RIMS2: variants seen among roughly 807,000 people sequenced by gnomAD.
RIMS2 encodes regulating synaptic membrane exocytosis 2.
In RIMS2, 59 loss-of-function variants were observed where a neutral mutation model predicts 174.4. The ratio of observed to expected loss-of-function variants is 0.34; its 90% CI spans 0.27 to 0.42. The LOEUF (loss-of-function observed/expected upper bound fraction) is 0.42, where lower values mean the gene tolerates loss of function less well. Among genes scored for constraint, RIMS2 ranks in the 10% least tolerant of loss-of-function variants. RIMS2 has a pLI of 1.00. For missense variants in RIMS2, 1,620 were observed against 1,666.3 expected (o/e 0.97, Z 0.48); for synonymous variants, 606 against 572.5 (o/e 1.06, Z -0.84).
At chr8:103,563,129 A>G (rs866227524) in intron 1 of RIMS2, among the ~76,000 whole-genome samples, 1 of 152,132 alleles carries the variant, frequency 6.6e-6, no homozygotes, top group Middle Eastern at 3.2e-3. Context: ...CATTTTCTCC[A>G]TTGTCTTGGT....
intron 16 of RIMS2, among the ~76,000 whole-genome samples, chr8:103,980,925 G>A (rs200621639): frequency 6.6e-6 from 1 of 152,114 alleles, no homozygotes; most frequent in Admixed American, 6.5e-5. Flanking sequence ...AGAACATCAG[G>A]CAAATTTCTA....
chr8:104,108,959 A>C (rs964917960), intron 19 of RIMS2, among the ~76,000 whole-genome samples: 1 of 152,156 alleles, frequency 6.6e-6, no homozygotes, highest in African/African-American at 2.4e-5. Flanking sequence ...GATGCCATGA[A>C]CACTGACTCA....
intron 11 of RIMS2, among the ~76,000 whole-genome samples, chr8:103,929,771 T>C (rs1473195168): frequency 6.6e-6 from 1 of 151,990 alleles, no homozygotes; most frequent in East Asian, 1.9e-4. Flanking sequence ...TAGTCTCTTT[T>C]TTGCCCGTTT....
intron 2 of RIMS2, among the ~76,000 whole-genome samples, chr8:103,701,642 T>C (rs2097169051): frequency 1.3e-5 from 2 of 150,436 alleles, no homozygotes; most frequent in African/African-American, 2.4e-5. Flanking sequence ...TGAGATCAAA[T>C]TTTTTTTTTA....
chr8:103,998,159 T>A (rs370183876), intron 17 of RIMS2: 4 of 1,542,616 alleles, frequency 2.6e-6, no homozygotes, highest in Non-Finnish European at 3.6e-6. Flanking sequence ...GTCTTATTTA[T>A]ATTCTTGTTT....
chr8:104,125,558 T>C (rs1256267635), intron 19 of RIMS2, among the ~76,000 whole-genome samples: 1 of 152,164 alleles, frequency 6.6e-6, no homozygotes, highest in Non-Finnish European at 1.5e-5. Flanking sequence ...TAGTAAATCA[T>C]AAAGCTTTAA....
At chr8:103,949,917 A>G (rs2084910198) in intron 14 of RIMS2, among the ~76,000 whole-genome samples, 2 of 152,284 alleles carry the variant, frequency 1.3e-5, no homozygotes, top group Admixed American at 1.3e-4. Context: ...AAGAAGACAA[A>G]TTATCAATAT....
intron 19 of RIMS2, among the ~76,000 whole-genome samples, chr8:104,137,077 G>T (rs2098526968): frequency 1.3e-5 from 2 of 152,116 alleles, no homozygotes; most frequent in Admixed American, 6.6e-5. Context: ...ATTATTTTAT[G>T]AATGGTTTTT....
intron 3 of RIMS2, among the ~76,000 whole-genome samples, chr8:103,781,134 T>C (rs1411287206): frequency 6.6e-6 from 1 of 152,196 alleles, no homozygotes; most frequent in Admixed American, 6.5e-5. Context: ...GCCCCTCTGA[T>C]TTGGCATCTC....
chr8:103,726,990 G>A (rs912187884), intron 2 of RIMS2, among the ~76,000 whole-genome samples: 1 of 151,422 alleles, frequency 6.6e-6, no homozygotes, highest in Non-Finnish European at 1.5e-5. Flanking sequence ...GCCCACCTCA[G>A]CCTCCCAAAG....
chr8:104,041,374 T>C lies in RIMS2; in HGVS notation c.3334+26759T>C, dbSNP rs753685695. On this transcript the variant is annotated intron_variant, in intron 19 of 23. Transcript: ENST00000504942. ...AGATATGCAGGTCTGTCTCTTCTGCTTTTTTTGTTATTATTTTATTTATCT... is the reference window on the plus strand; with the variant it reads ...AGATATGCAGGTCTGTCTCTTCTGCCTTTTTTGTTATTATTTTATTTATCT... The C allele has an allele frequency of 5.7e-5, 39 of 683,564 alleles. 1 individual carries two copies. Among genetic ancestry groups the C allele is most frequent in the East Asian group, 2.4e-4 (9 of 37,210 alleles). 42.3% of individuals were successfully genotyped at this position (683,564 alleles called of 1,614,324 possible).
intron 19 of RIMS2, among the ~76,000 whole-genome samples, chr8:104,040,150 C>G (rs1055593094): frequency 6.6e-6 from 1 of 151,524 alleles, no homozygotes. Flanking sequence ...AAATCATTCT[C>G]TAAAGAGCTA....
chr8:104,049,446 A>AG (rs2096749354), intron 19 of RIMS2, among the ~76,000 whole-genome samples: 2 of 151,994 alleles, frequency 1.3e-5, no homozygotes, highest in Admixed American at 1.3e-4. Flanking sequence ...AAACAAACAA[A>AG]CAAAAAAACC....
chr8:103,746,807 C>T (rs1013186538), intron 2 of RIMS2, among the ~76,000 whole-genome samples: 7 of 151,830 alleles, frequency 4.6e-5, no homozygotes, highest in African/African-American at 9.7e-5. Flanking sequence ...CAGCCTCCTG[C>T]GTAGCTAGGA....
chr8:104,100,179 T>C (rs10105457), intron 19 of RIMS2, among the ~76,000 whole-genome samples: 35,680 of 152,026 alleles, frequency 0.23, 4,484 homozygotes, highest in African/African-American at 0.33. Context: ...TTTACTTCTT[T>C]TGTTAAATTT....
chr8:103,937,124 A>G (rs935048467), intron 13 of RIMS2, among the ~76,000 whole-genome samples: 1 of 149,174 alleles, frequency 6.7e-6, no homozygotes, highest in African/African-American at 2.6e-5. Flanking sequence ...AAGATAAATA[A>G]ATAAATAAAT....
At chr8:104,037,364 G>A (rs567959123) in intron 19 of RIMS2, among the ~76,000 whole-genome samples, 1 of 152,228 alleles carries the variant, frequency 6.6e-6, no homozygotes, top group Admixed American at 6.5e-5. Flanking sequence ...TCATGCTTCT[G>A]TTTCATTGTG....
intron 2 of RIMS2, among the ~76,000 whole-genome samples, chr8:103,733,731 G>C (rs1369488932): frequency 6.6e-6 from 1 of 152,086 alleles, no homozygotes; most frequent in African/African-American, 2.4e-5. Flanking sequence ...CATAATCACT[G>C]TTCTCTCCCT....
In RIMS2 at chr8:104,036,402, C is replaced by T. The variant is rs142717298; in HGVS notation, c.3334+21787C>T. Among the ~76,000 whole-genome samples the T allele has an allele frequency of 2.3e-3, 347 of 151,746 alleles. 4 individuals are homozygous for T. Among genetic ancestry groups the T allele is most frequent in the Non-Finnish European group, 4.0e-3 (273 of 67,888 alleles). On this transcript the variant is annotated intron_variant, in intron 19 of 23. Coordinates refer to ENST00000504942, the Ensembl canonical transcript of RIMS2. ...TCCTGACCTCGTGATCCGCCTGCCT[C>T]GGCCTCCCAAAGTGCTGGGATTACA...
Sources: allele counts gnomAD v4.1 joint callset (sites outside exome capture counted in the v4.1 genomes callset), GRCh38; gene constraint gnomAD v4.1.1; transcripts MANE v1.5; gene names NCBI Gene and HGNC (gene_info 2026-07-23, HGNC 2026-07-21).